USP50: variants seen among roughly 807,000 people sequenced by gnomAD.
USP50 encodes ubiquitin carboxyl-terminal hydrolase 50.
A neutral mutation model predicts 39.2 loss-of-function variants in USP50; 37 were observed. The ratio of observed to expected loss-of-function variants is 0.94; its 90% CI spans 0.73 to 1.24. The LOEUF (loss-of-function observed/expected upper bound fraction) is 1.24. Among genes scored for constraint, USP50 ranks in the 50% most tolerant of loss-of-function variants. The pLI, the probability that USP50 is intolerant of heterozygous loss-of-function variation, is 0.00. For synonymous variants in USP50, 139 were observed against 144.5 expected, an observed-to-expected ratio of 0.96 and a Z score of 0.27; for missense variants, 374 against 398.2, an observed-to-expected ratio of 0.94 and a Z score of 0.52.
rs756748788 is a variant in USP50, at chr15:50,546,571, T to C, written c.-46A>G. The C allele has an allele frequency of 1.9e-6, 3 of 1,601,436 alleles. No homozygotes were observed. The highest frequency in any genetic ancestry group is 4.5e-5 in the East Asian group (2 of 44,790). ...CTTTTGCTTCTATTCAGGAGCTACA[T>C]CTATTCCTTTCAACTTCATTTCTCT... On this transcript the variant is annotated 5_prime_UTR_variant, in exon 1 of 7. The change abolishes an upstream ATG in the 5' untranslated region. Coordinates refer to ENST00000532404, the MANE Select transcript of USP50 (RefSeq NM_203494.5).
chr15:50,534,181 T>C (rs1172352564), intron 5 of USP50, among the ~76,000 whole-genome samples: 1 of 152,220 alleles, frequency 6.6e-6, no homozygotes, highest in Non-Finnish European at 1.5e-5. Flanking sequence ...TATTCAATTA[T>C]GTATGCTTAT....
chr15:50,521,838 C>T (rs1484082569), intron 6 of USP50, among the ~76,000 whole-genome samples: 1 of 152,116 alleles, frequency 6.6e-6, no homozygotes, highest in Non-Finnish European at 1.5e-5. Flanking sequence ...GTGGCACACA[C>T]CTGTAGTTCT....
chr15:50,528,070 T>C (rs918163176), intron 6 of USP50, among the ~76,000 whole-genome samples: 10 of 29,298 alleles, frequency 3.4e-4, no homozygotes, highest in African/African-American at 1.2e-3. Context: ...ACTAAGTTTT[T>C]TTTTTTTTTT....
chr15:50,518,045 T>C (rs2052817098), intron 6 of USP50, among the ~76,000 whole-genome samples: 1 of 152,056 alleles, frequency 6.6e-6, no homozygotes, highest in African/African-American at 2.4e-5. Flanking sequence ...TAAACACCTA[T>C]ATCAGAAAAG....
At chr15:50,508,744 T>G (rs1421844619) in intron 6 of USP50, 2 of 152,040 alleles carry the variant, frequency 1.3e-5, no homozygotes, top group Non-Finnish European at 2.9e-5. Context: ...ATGCCTATAA[T>G]CCCTGCACTT....
At chr15:50,510,782 G>GT (rs763180621) in intron 6 of USP50, 4,763 of 148,092 alleles carry the variant, frequency 0.032, 105 homozygotes, top group Middle Eastern at 0.056. Flanking sequence ...TTTGTTTTTT[G>GT]GTTTTTTTTT....
chr15:50,540,348 T>A (rs948806120), intron 4 of USP50, among the ~76,000 whole-genome samples: 8 of 152,144 alleles, frequency 5.3e-5, no homozygotes, highest in African/African-American at 1.9e-4. Flanking sequence ...AGAGCTCAAG[T>A]CTAAGAGTCT....
chr15:50,521,470 A>G (rs544127654), intron 6 of USP50, among the ~76,000 whole-genome samples: 1 of 152,358 alleles, frequency 6.6e-6, no homozygotes, highest in East Asian at 1.9e-4. Context: ...ACAATCTAAC[A>G]TTACATCCCA....
downstream of USP50, chr15:50,495,742 T>C: frequency 1.1e-6 from 1 of 873,778 alleles, no homozygotes; most frequent in Non-Finnish European, 1.8e-6. Context: ...TTATGAGAAC[T>C]ACAGGTGTTT....
intron 6 of USP50, among the ~76,000 whole-genome samples, chr15:50,525,572 G>GTATATGTATATGTATA (rs2052884660): frequency 9.3e-5 from 6 of 64,722 alleles, no homozygotes; most frequent in African/African-American, 3.1e-4. Context: ...ATGTATATAT[G>GTATATGTATATGTATA]TATATGTATA....
chr15:50,532,015 A>G, intron 5 of USP50: 1 of 417,458 alleles, frequency 2.4e-6, no homozygotes, highest in South Asian at 1.7e-5. Flanking sequence ...GACTTACCAG[A>G]GCCAAAACTG....
At chr15:50,513,971 T>C (rs1335298106) in intron 6 of USP50, 1 of 152,204 alleles carries the variant, frequency 6.6e-6, no homozygotes, top group Admixed American at 6.5e-5. Flanking sequence ...AGAATGTTTA[T>C]AGCAACCCTC....
At chr15:50,529,682 AT>A (rs1460655065) in intron 6 of USP50, 114 bp downstream of exon 6, 1 of 1,198,438 alleles carries the variant, frequency 8.3e-7, no homozygotes, top group Non-Finnish European at 1.2e-6. Context: ...CCTGGTCTAT[AT>A]TTTTTAAAAG....
chr15:50,543,859 C>G (rs2053050061), intron 2 of USP50, 66 bp from the exon 3 acceptor site: 2 of 1,481,372 alleles, frequency 1.4e-6, no homozygotes. Context: ...ATCACCCAAG[C>G]CTAGGAAATT....
intron 6 of USP50, chr15:50,504,636 G>C (rs567162436): frequency 3.3e-5 from 5 of 152,160 alleles, no homozygotes; most frequent in Non-Finnish European, 7.3e-5. Flanking sequence ...CAGATACTGA[G>C]GTACAACTGT....
chr15:50,501,450 G>A (rs2052586494), intron 6 of USP50: 1 of 152,132 alleles, frequency 6.6e-6, no homozygotes, highest in South Asian at 2.1e-4. Flanking sequence ...CTCCAGCCTG[G>A]GTGACAGAGT....
At chr15:50,495,816 T>C (rs772398754), downstream of USP50, 6 of 1,526,022 alleles carry the variant, frequency 3.9e-6, no homozygotes, top group South Asian at 2.3e-5. Flanking sequence ...CTTTGAGATA[T>C]TAATATAGAG....
At chr15:50,539,113 G>GTTT (rs58459024) in intron 4 of USP50, among the ~76,000 whole-genome samples, 6 of 137,004 alleles carry the variant, frequency 4.4e-5, no homozygotes, top group East Asian at 2.1e-4. Flanking sequence ...TTTTGGTTTT[G>GTTT]TTTTTTTTTT....
At chr15:50,497,572 CTTAG>C (rs1381697243), downstream of USP50, 1 of 169,326 alleles carries the variant, frequency 5.9e-6, no homozygotes, top group Non-Finnish European at 1.3e-5. Flanking sequence ...GCATAACAGA[CTTAG>C]TTATGTGTTA....
Sources: allele counts gnomAD v4.1 joint callset (sites outside exome capture counted in the v4.1 genomes callset), GRCh38; gene constraint gnomAD v4.1.1; transcripts MANE v1.5; gene names NCBI Gene and HGNC (gene_info 2026-07-23, HGNC 2026-07-21).